The following KLHL5 variants were observed in gnomAD, a reference collection of about 807,000 sequenced individuals.
KLHL5 encodes kelch like family member 5, also known as kelch-like protein 5.
KLHL5 carries 48 observed loss-of-function variants against 77.7 expected under a neutral mutation model. That is an observed-to-expected ratio of 0.62 (90% CI 0.49 to 0.79). The LOEUF (loss-of-function observed/expected upper bound fraction) is 0.79. Ranked by LOEUF, KLHL5 falls within the 30% of genes least tolerant of loss-of-function variation. KLHL5 has a pLI of 0.00. For missense variants in KLHL5, 723 were observed against 859.7 expected, an observed-to-expected ratio of 0.84 and a Z score of 1.99; for synonymous variants, 260 against 297.0, an observed-to-expected ratio of 0.88 and a Z score of 1.28.
At chr4:39,139,384 TA>T in the KLHL5 span, among the ~76,000 whole-genome samples, 5 of 151,648 alleles carry the variant, frequency 3.3e-5, no homozygotes, top group Non-Finnish European at 5.9e-5. Context: ...CACTAGGGGT[TA>T]GGGGAGAGGG....
chr4:39,118,050 G>A (rs79164293), intron 10 of KLHL5, among the ~76,000 whole-genome samples: 3 of 134,830 alleles, frequency 2.2e-5, no homozygotes, highest in Admixed American at 8.1e-5. Context: ...GACAGAGCGA[G>A]ACTCCATCTA....
rs35141484 is a variant in KLHL5, at chr4:39,086,721, A to C, written c.1107A>C (p.Ala369=). The C allele has an allele frequency of 3.9e-3, 6,329 of 1,611,014 alleles. 220 individuals are homozygous for C. The African/African-American group carries it at 0.072, about 18-fold the overall frequency. ...LLAYIRLPLL[A]PQFLADMENN... Reference sequence around the variant, plus strand: ...CTTATATTAGGCTACCTCTTCTTGCACCACAGGTAATTAATAGGCACTTGT... The same window carrying C: ...CTTATATTAGGCTACCTCTTCTTGCCCCACAGGTAATTAATAGGCACTTGT... Residue 369 remains alanine (A), a synonymous_variant, in exon 5 of 11, where the codon GCA becomes GCC. Coordinates refer to ENST00000504108, the MANE Select transcript of KLHL5 (RefSeq NM_015990.5).
Position 39,062,848 on chromosome 4 carries a change from A to C in KLHL5, c.196A>C (p.Ile66Leu). 1 of 1,614,114 alleles carries C rather than the reference A, an allele frequency of 6.2e-7. No homozygotes were observed. Among genetic ancestry groups the C allele is most frequent in the Non-Finnish European group, 8.5e-7 (1 of 1,180,006 alleles). ...TAGCCTACAATTGCCTTTGGCTTCA[A>C]TTGGTTACCGAAGGTCCAGCCAACT... The part of the protein sequence containing the change: ...PCSLQLPLAS[I>L]GYRRSSQLDF... Residue 66 changes from isoleucine (I) to leucine (L), a missense_variant, in exon 1 of 11, where the codon ATT becomes CTT. Physicochemically the swap from Ile to Leu is conservative, Grantham distance 5. Coordinates refer to ENST00000504108, the MANE Select transcript of KLHL5 (RefSeq NM_015990.5).
Position 39,086,680 on chromosome 4 carries a change from C to G in KLHL5, c.1066C>G (p.Leu356Val). ...TGATTTGGAACAGAGACGGAAAGAT[C>G]TAAGTAAACTTTTGGCTTATATTAG... ...RHDLEQRRKDLSKLLAYIRLP... is the reference protein window; with the variant it reads ...RHDLEQRRKDVSKLLAYIRLP... Residue 356 changes from leucine to valine, a missense_variant, in exon 5 of 11, where the codon CTA (leucine) becomes GTA (valine). Coordinates refer to ENST00000504108, the MANE Select transcript of KLHL5 (RefSeq NM_015990.5). 6.2e-7 allele frequency: 1 copy of G among 1,613,944 alleles called. No homozygotes were observed. Among genetic ancestry groups the G allele is most frequent in the Non-Finnish European group, 8.5e-7 (1 of 1,179,950 alleles).
intron 7 of KLHL5, 30 bp from the exon 8 acceptor site, chr4:39,107,539 A>C: frequency 1.3e-6 from 2 of 1,541,596 alleles, no homozygotes. Context: ...GCCAATCTGA[A>C]GTCGTTAATT....
At chr4:39,109,370 A>G (rs1248770247) in intron 8 of KLHL5, among the ~76,000 whole-genome samples, 3 of 152,086 alleles carry the variant, frequency 2.0e-5, no homozygotes, top group African/African-American at 7.2e-5. Flanking sequence ...ATCTCGGCAC[A>G]CTGCAGCCTC....
chr4:39,132,251 A>G, the KLHL5 span, among the ~76,000 whole-genome samples: 2 of 152,216 alleles, frequency 1.3e-5, no homozygotes, highest in Non-Finnish European at 2.9e-5. Context: ...GCTGCAGCCC[A>G]GATTCACGTT....
intron 9 of KLHL5, among the ~76,000 whole-genome samples, chr4:39,114,369 A>G (rs181968947): frequency 6.6e-6 from 1 of 152,338 alleles, no homozygotes; most frequent in African/African-American, 2.4e-5. Flanking sequence ...TCACACAAGA[A>G]CTAACCAAGG....
intron 7 of KLHL5, among the ~76,000 whole-genome samples, chr4:39,106,232 C>T (rs570799231): frequency 2.3e-4 from 35 of 152,276 alleles, no homozygotes; most frequent in African/African-American, 6.5e-4. Context: ...GACCTTTGCA[C>T]GTGCCGTTTC....
At chr4:39,045,377 G>T (rs1194525303) in intron 1 of KLHL5, among the ~76,000 whole-genome samples, 1 of 151,768 alleles carries the variant, frequency 6.6e-6, no homozygotes, top group Admixed American at 6.6e-5. Flanking sequence ...TGGAGTTGTG[G>T]AAAGTTGTGG....
chr4:39,051,406 T>C (rs1446993199), intron 1 of KLHL5, among the ~76,000 whole-genome samples: 1 of 151,338 alleles, frequency 6.6e-6, no homozygotes, highest in Non-Finnish European at 1.5e-5. Context: ...GTAAAAGCTG[T>C]GTATGAGATT....
intron 1 of KLHL5, among the ~76,000 whole-genome samples, chr4:39,049,136 T>A (rs1716435322): frequency 6.6e-6 from 1 of 152,194 alleles, no homozygotes; most frequent in Non-Finnish European, 1.5e-5. Flanking sequence ...CAGAGTCCCA[T>A]GAGCTAACAC....
chr4:39,103,152 G>T (rs12506723), intron 6 of KLHL5, 135 bp from the exon 7 acceptor site: 392,595 of 744,980 alleles, frequency 0.53, 105,291 homozygotes, highest in Admixed American at 0.59. Flanking sequence ...GCTAGATCAT[G>T]CAGGACCTTC....
rs1273585518 is a variant in KLHL5, at chr4:39,096,762, C to G, written c.1184C>G (p.Ala395Gly). 6.2e-7 allele frequency: 1 copy of G among 1,612,328 alleles called. No homozygotes were observed. The highest frequency in any genetic ancestry group is 8.5e-7 in the Non-Finnish European group (1 of 1,178,522). The change falls in exon 6 of 11, where the codon GCA (alanine) becomes GGA (glycine). Residue 395 changes from alanine to glycine, a missense_variant. Physicochemically the swap from Ala to Gly is moderately conservative, Grantham distance 60 (BLOSUM62 0). This residue lies in a region of KLHL5 where 288 missense variants were observed against 400.3 expected (regional missense o/e 0.72). Transcript: ENST00000504108. ...DIECQKLIME[A>G]MKYHLLPERR... Reference sequence around the variant, plus strand: ...GAATGTCAGAAACTCATTATGGAAGCAATGAAGTACCATTTATTACCAGAG... The same window carrying G: ...GAATGTCAGAAACTCATTATGGAAGGAATGAAGTACCATTTATTACCAGAG...
At position 39,112,603 on chromosome 4, in the gene KLHL5, T is replaced by C. The variant is rs79122237; in HGVS notation, c.1689-417T>C. ...TACATGTGAAGTGCCTAACCTATGG[T>C]AGGTGCTCAGAGAAGGTTAGCTTCT... On this transcript the variant is annotated intron_variant, in intron 8 of 10. Coordinates refer to ENST00000504108, the MANE Select transcript of KLHL5 (RefSeq NM_015990.5). 26 of 184,738 alleles carry C rather than the reference T, an allele frequency of 1.4e-4. 1 individual carries two copies. The East Asian group carries it at 3.7e-3, about 26-fold the overall frequency. 11.4% of individuals were successfully genotyped at this position (184,738 alleles called of 1,614,324 possible). A position where few individuals can be genotyped will look rare whatever the true frequency, so the allele number is the denominator to read the frequency against.
intron 1 of KLHL5, among the ~76,000 whole-genome samples, chr4:39,050,710 A>G (rs2566115): frequency 0.76 from 115,375 of 152,114 alleles, 43,766 homozygotes; most frequent in East Asian, 0.82. Context: ...TGACAACTTT[A>G]TAGTAGAGAA....
At chr4:39,137,779 T>A in the KLHL5 span, among the ~76,000 whole-genome samples, 12 of 152,150 alleles carry the variant, frequency 7.9e-5, no homozygotes, top group Non-Finnish European at 4.4e-5. Flanking sequence ...CCCAGTTGGA[T>A]GGGCTTCCAC....
intron 10 of KLHL5, among the ~76,000 whole-genome samples, chr4:39,118,015 C>T (rs2163274): frequency 0.52 from 78,374 of 149,422 alleles, 21,087 homozygotes; most frequent in Non-Finnish European, 0.59. Flanking sequence ...GAGCCAAGAT[C>T]GTGCCACTGC....
At position 39,096,887 on chromosome 4, in the gene KLHL5, T is replaced by C; in HGVS notation, c.1300+9T>C. ...AATGGATTCAACAAAAGGTATCAAA[T>C]AATCTTTTATTTGGGGAGGGAGGAC... On this transcript the variant is annotated intron_variant, in intron 6 of 10. Coordinates refer to ENST00000504108, the MANE Select transcript of KLHL5 (RefSeq NM_015990.5). 6.2e-7 allele frequency: 1 copy of C among 1,600,678 alleles called. No individual in the cohort carries two copies. Among genetic ancestry groups the C allele is most frequent in the Non-Finnish European group, 8.6e-7 (1 of 1,168,350 alleles).
Sources: gnomAD v4.1 joint callset for allele counts (sites outside exome capture counted in the v4.1 genomes callset) on GRCh38, gnomAD v4.1.1 for gene constraint, gnomAD v4.1.1 regional missense constraint, MANE v1.5 for transcripts, NCBI Gene and HGNC (gene_info 2026-07-23, HGNC 2026-07-21) for gene names.